The following PSMG2 variants were observed in gnomAD, a reference collection of about 807,000 sequenced individuals.
PSMG2 encodes CD40 ligand-activated specific transcript 3.
A neutral mutation model predicts 31.5 loss-of-function variants in PSMG2; 21 were observed. That is an observed-to-expected ratio of 0.67 (90% CI 0.47 to 0.96). The LOEUF is 0.96. Among genes scored for constraint, PSMG2 ranks in the 40% least tolerant of loss-of-function variants. PSMG2 has a pLI of 0.00. For synonymous variants in PSMG2, 120 were observed against 110.4 expected (o/e 1.09, Z -0.54); for missense variants, 318 against 321.2 (o/e 0.99, Z 0.08).
chr18:12,721,135 G>A (rs1052163967), intron 5 of PSMG2, among the ~76,000 whole-genome samples: 4 of 152,098 alleles, frequency 2.6e-5, no homozygotes, highest in Admixed American at 6.6e-5. Context: ...AGCCGAGATC[G>A]CGCCACTGCA....
At chr18:12,675,562 CTTATATA>C (rs2039093441) in intron 1 of PSMG2, among the ~76,000 whole-genome samples, 1 of 152,066 alleles carries the variant, frequency 6.6e-6, no homozygotes, top group South Asian at 2.1e-4. Flanking sequence ...CTCTATAAAA[CTTATATA>C]CTGTAAGAGA....
intron 1 of PSMG2, among the ~76,000 whole-genome samples, chr18:12,696,261 T>C (rs1245228272): frequency 6.6e-6 from 1 of 152,170 alleles, no homozygotes; most frequent in Non-Finnish European, 1.5e-5. Flanking sequence ...TCCCAGCACT[T>C]TGGGAGGCCG....
chr18:12,720,333 A>G (rs1173079012), intron 4 of PSMG2, among the ~76,000 whole-genome samples, 177 bp from the exon 5 acceptor site: 5 of 152,160 alleles, frequency 3.3e-5, no homozygotes. Context: ...CTGTCTTTTT[A>G]TATTGTCTCC....
At position 12,710,720 on chromosome 18, in the gene PSMG2, G is replaced by A. The variant is rs117868427; in HGVS notation, c.230-1982G>A. Among the ~76,000 whole-genome samples the A allele has an allele frequency of 6.5e-3, 988 of 152,176 alleles. 9 individuals carry two copies. Among genetic ancestry groups the A allele is most frequent in the South Asian group, 0.025 (118 of 4,814 alleles). Reference sequence around the variant, plus strand: ...ATTAGATAAAAGGTTAATGTTTTGGGGCAGAATACAGAAAAGGTGTTGTTG... The same window carrying A: ...ATTAGATAAAAGGTTAATGTTTTGGAGCAGAATACAGAAAAGGTGTTGTTG... On this transcript the variant is annotated intron_variant, in intron 2 of 6. Transcript: ENST00000317615.
chr18:12,661,715 C>G (rs2038697755), intron 1 of PSMG2: 2 of 152,296 alleles, frequency 1.3e-5, no homozygotes, highest in Admixed American at 6.6e-5. Flanking sequence ...GTGGAGATTG[C>G]TGTGAGCCAA....
intron 1 of PSMG2, among the ~76,000 whole-genome samples, chr18:12,674,121 A>G (rs1219538595): frequency 6.6e-6 from 1 of 151,928 alleles, no homozygotes; most frequent in Admixed American, 6.6e-5. Context: ...CTCCCATATG[A>G]CTTGGATGTC....
At chr18:12,691,468 T>C (rs1179795087) in intron 1 of PSMG2, 4 of 1,598,362 alleles carry the variant, frequency 2.5e-6, no homozygotes, top group African/African-American at 1.3e-5. Context: ...CTCTGCAGTT[T>C]TCTGACGTTC....
intron 1 of PSMG2, among the ~76,000 whole-genome samples, chr18:12,689,672 A>G (rs2039675777): frequency 6.6e-6 from 1 of 152,136 alleles, no homozygotes; most frequent in Admixed American, 6.6e-5. Context: ...TCTCTGATTC[A>G]CTGCCTCACT....
chr18:12,702,996 A>AAAGG (rs2040209134), upstream of PSMG2: 45 of 1,275,654 alleles, frequency 3.5e-5, 1 homozygote, highest in South Asian at 6.4e-4. Context: ...CCAGGGACTC[A>AAAGG]AAGGACCCTC....
At chr18:12,708,849 GTGCC>G in intron 2 of PSMG2, among the ~76,000 whole-genome samples, 3 of 148,774 alleles carry the variant, frequency 2.0e-5, no homozygotes, top group East Asian at 4.0e-4. Flanking sequence ...GGGATTACAG[GTGCC>G]CACCACCACA....
At chr18:12,689,269 T>A (rs1354547542) in intron 1 of PSMG2, among the ~76,000 whole-genome samples, 1 of 135,492 alleles carries the variant, frequency 7.4e-6, no homozygotes, top group Non-Finnish European at 1.7e-5. Context: ...TCAGAACTAG[T>A]CAAATACAGG....
At chr18:12,670,831 TAG>T (rs2038923793) in intron 1 of PSMG2, 1 of 152,082 alleles carries the variant, frequency 6.6e-6, no homozygotes, top group East Asian at 1.9e-4. Context: ...ACATTTTTTG[TAG>T]AGAGGGGTTC....
At chr18:12,701,327 A>C (rs45596833), upstream of PSMG2, among the ~76,000 whole-genome samples, 37,460 of 151,916 alleles carry the variant, frequency 0.25, 5,124 homozygotes, top group Non-Finnish European at 0.32. Flanking sequence ...ATTTCTCCAC[A>C]AACAACACTC....
At chr18:12,709,741 C>G (rs2040310176) in intron 2 of PSMG2, among the ~76,000 whole-genome samples, 1 of 151,282 alleles carries the variant, frequency 6.6e-6, no homozygotes, top group African/African-American at 2.4e-5. Context: ...CTCAGGTGAT[C>G]CAACCACCTT....
At chr18:12,694,476 A>G (rs935985675) in intron 1 of PSMG2, among the ~76,000 whole-genome samples, 3 of 152,222 alleles carry the variant, frequency 2.0e-5, no homozygotes, top group Non-Finnish European at 4.4e-5. Context: ...AAATCTGCCG[A>G]TCTTTTAAGA....
chr18:12,660,978 T>TA (rs1310734650), intron 1 of PSMG2, among the ~76,000 whole-genome samples: 1 of 149,906 alleles, frequency 6.7e-6, no homozygotes, highest in Admixed American at 6.6e-5. Context: ...GACTATAACT[T>TA]ACTAACTTCT....
intron 1 of PSMG2, among the ~76,000 whole-genome samples, chr18:12,667,848 CTTTTTTTTTT>C (rs36019439): frequency 1.7e-5 from 2 of 116,712 alleles, no homozygotes; most frequent in East Asian, 4.7e-4. Context: ...CTTTCTGATC[CTTTTTTTTTT>C]TTTTTTTTTT....
At chr18:12,717,619 A>G (rs571447760) in intron 3 of PSMG2, among the ~76,000 whole-genome samples, 1 of 152,224 alleles carries the variant, frequency 6.6e-6, no homozygotes, top group South Asian at 2.1e-4. Flanking sequence ...GTATCATCCA[A>G]CATACTCAAA....
chr18:12,661,198 C>T (rs1482128293), intron 1 of PSMG2: 2 of 162,722 alleles, frequency 1.2e-5, no homozygotes, highest in Non-Finnish European at 2.6e-5. Context: ...ATCCCAGCTA[C>T]TCGGGAGGCT....
Sources: gnomAD v4.1 joint callset for allele counts (sites outside exome capture counted in the v4.1 genomes callset) on GRCh38, gnomAD v4.1.1 for gene constraint, MANE v1.5 for transcripts, NCBI Gene and HGNC (gene_info 2026-07-23, HGNC 2026-07-21) for gene names.